Variants in ROR1 observed in about 807,000 individuals in gnomAD.
ROR1 encodes the protein ROR family WNT receptor 1.
ROR1 carries 19 observed loss-of-function variants against 78.8 expected under a neutral mutation model. The ratio of observed to expected loss-of-function variants is 0.24; its 90% CI spans 0.17 to 0.35. The LOEUF (loss-of-function observed/expected upper bound fraction) is 0.35. Ranked by LOEUF, ROR1 falls within the 10% of genes least tolerant of loss-of-function variation. The pLI is 1.00. For missense variants in ROR1, 917 were observed against 1,177.8 expected (o/e 0.78, Z 3.24); for synonymous variants, 386 against 433.6 (o/e 0.89, Z 1.36).
At chr1:63,988,341 T>A (rs1193378654) in intron 1 of ROR1, among the ~76,000 whole-genome samples, 2 of 152,340 alleles carry the variant, frequency 1.3e-5, no homozygotes, top group East Asian at 3.9e-4. Flanking sequence ...GGAAGAGATC[T>A]CAGAATTCAT....
chr1:63,917,490 C>A (rs1479205249), intron 1 of ROR1, among the ~76,000 whole-genome samples: 3 of 152,132 alleles, frequency 2.0e-5, no homozygotes, highest in African/African-American at 7.2e-5. Flanking sequence ...CAGGATTAAG[C>A]ATCCACTAAA....
chr1:64,022,171 T>C (rs1188019219), intron 2 of ROR1, among the ~76,000 whole-genome samples: 1 of 152,196 alleles, frequency 6.6e-6, no homozygotes, highest in Non-Finnish European at 1.5e-5. Flanking sequence ...ATTTCATTCA[T>C]GTGAAATATT....
chr1:63,815,471 T>C lies in ROR1; in HGVS notation c.91+40963T>C, dbSNP rs559519530. On this transcript the variant is annotated intron_variant, in intron 1 of 8. Transcript: ENST00000371079. ...ATTTTTTTTTTCTTTTTCTTTTCTT[T>C]TCTTTTCTTTTTCTTTTTTTTTTTT... Among the ~76,000 whole-genome samples the C allele has an allele frequency of 2.5e-4, 33 of 130,480 alleles. 3 individuals carry two copies. The South Asian group carries it at 6.2e-3, about 24-fold the overall frequency. The allele number at this position is 130,480 out of a possible 152,430, so 85.6% of individuals were successfully genotyped here. A position where few individuals can be genotyped will look rare whatever the true frequency, so the allele number is the denominator to read the frequency against.
At chr1:63,968,773 G>A (rs556462024) in intron 1 of ROR1, among the ~76,000 whole-genome samples, 48 of 152,246 alleles carry the variant, frequency 3.2e-4, no homozygotes, top group African/African-American at 9.1e-4. Context: ...GGTTAAAGGC[G>A]GAAAGAGAAG....
intron 1 of ROR1, among the ~76,000 whole-genome samples, chr1:63,818,617 T>A (rs184410202): frequency 3.3e-5 from 5 of 152,354 alleles, no homozygotes; most frequent in Admixed American, 3.3e-4. Context: ...ATCTTTTTTT[T>A]AGGAAAAAGA....
chr1:64,169,765 C>G (rs939921508), intron 8 of ROR1, among the ~76,000 whole-genome samples: 8 of 152,164 alleles, frequency 5.3e-5, no homozygotes, highest in Admixed American at 1.3e-4. Flanking sequence ...TAGTTACTTC[C>G]CAGATACAGT....
At chr1:63,902,614 G>A (rs567924319) in intron 1 of ROR1, among the ~76,000 whole-genome samples, 5 of 152,166 alleles carry the variant, frequency 3.3e-5, no homozygotes, top group East Asian at 1.9e-4. Flanking sequence ...ATGAGCCACC[G>A]TTGCCCAGCC....
chr1:63,860,516 C>T (rs959040691), intron 1 of ROR1, among the ~76,000 whole-genome samples: 15 of 147,958 alleles, frequency 1.0e-4, no homozygotes, highest in Admixed American at 3.4e-4. Context: ...GTCAAGAGTT[C>T]GAGACCAGCC....
chr1:64,060,655 A>C (rs1457141233), intron 4 of ROR1, among the ~76,000 whole-genome samples: 33 of 152,300 alleles, frequency 2.2e-4, no homozygotes, highest in East Asian at 7.7e-4. Flanking sequence ...GAGACCAGGA[A>C]GTCACTTGGC....
intron 1 of ROR1, chr1:63,843,303 C>T (rs1645060628): frequency 2.3e-6 from 3 of 1,320,886 alleles, no homozygotes; most frequent in South Asian, 2.3e-5. Context: ...ATGCTTGATC[C>T]CTGTCAGCTT....
intron 7 of ROR1, among the ~76,000 whole-genome samples, chr1:64,155,929 T>A (rs573689005): frequency 2.9e-4 from 44 of 152,330 alleles, no homozygotes; most frequent in African/African-American, 1.0e-3. Flanking sequence ...GGTTCTTTCA[T>A]GAACATTATC....
chr1:63,778,826 G>A (rs536010913), intron 1 of ROR1, among the ~76,000 whole-genome samples: 1 of 152,334 alleles, frequency 6.6e-6, no homozygotes, highest in South Asian at 2.1e-4. Context: ...GCTAAAAAGT[G>A]GCATTACTGG....
At position 64,155,479 on chromosome 1, in the gene ROR1, C is replaced by A. The variant is rs201031908; in HGVS notation, c.1175-3502C>A. Among the ~76,000 whole-genome samples the A allele has an allele frequency of 2.5e-4, 5 of 20,246 alleles. No individual in the cohort carries two copies. In the East Asian group the frequency reaches 7.1e-3, roughly 29 times the overall value. The allele number at this position is 20,246 out of a possible 152,430, so 13.3% of individuals were successfully genotyped here. A position where few individuals can be genotyped will look rare whatever the true frequency, so the allele number is the denominator to read the frequency against. On this transcript the variant is annotated intron_variant, in intron 7 of 8. Transcript: ENST00000371079. ...TTTCACTTGGCAAAAAGACACTGGGCCCCTTGTGCTTGTTAGCATATCCTC... is the reference window on the plus strand; with the variant it reads ...TTTCACTTGGCAAAAAGACACTGGGACCCTTGTGCTTGTTAGCATATCCTC...
intron 1 of ROR1, among the ~76,000 whole-genome samples, chr1:63,981,282 C>T (rs1268783397): frequency 6.6e-6 from 1 of 152,054 alleles, no homozygotes; most frequent in Non-Finnish European, 1.5e-5. Context: ...CAGAAAATGA[C>T]CCAGTCTAAC....
intron 7 of ROR1, among the ~76,000 whole-genome samples, chr1:64,151,682 G>C (rs1190291223): frequency 1.3e-5 from 2 of 150,260 alleles, no homozygotes; most frequent in Non-Finnish European, 3.0e-5. Context: ...AAACCAGCCT[G>C]GCCAACATGG....
chr1:64,154,095 A>G (rs1649703889), intron 7 of ROR1, among the ~76,000 whole-genome samples: 1 of 152,228 alleles, frequency 6.6e-6, no homozygotes, highest in African/African-American at 2.4e-5. Context: ...TTCTGCAGGG[A>G]AAATTTTAAT....
At chr1:63,810,960 T>G in intron 1 of ROR1, among the ~76,000 whole-genome samples, 1 of 152,152 alleles carries the variant, frequency 6.6e-6, no homozygotes, top group Non-Finnish European at 1.5e-5. Flanking sequence ...CCCCAGGAAC[T>G]CACATGTACT....
chr1:63,845,752 T>C (rs1221048140), intron 1 of ROR1, among the ~76,000 whole-genome samples: 1 of 152,222 alleles, frequency 6.6e-6, no homozygotes. Flanking sequence ...TTCCAACTTT[T>C]GGGAGTGTCT....
chr1:63,900,334 G>C (rs1452977736), intron 1 of ROR1, among the ~76,000 whole-genome samples: 2 of 151,306 alleles, frequency 1.3e-5, no homozygotes, highest in Non-Finnish European at 2.9e-5. Flanking sequence ...GGCACCTGTA[G>C]TCCCAGCTAC....
Sources: gnomAD v4.1 joint callset for allele counts (sites outside exome capture counted in the v4.1 genomes callset) on GRCh38, gnomAD v4.1.1 for gene constraint, MANE v1.5 for transcripts, NCBI Gene and HGNC (gene_info 2026-07-23, HGNC 2026-07-21) for gene names.